CSMD1: variants seen among roughly 807,000 people sequenced by gnomAD.
CSMD1 encodes CUB and Sushi multiple domains 1, also known as CUB and sushi domain-containing protein 1.
CSMD1 carries 213 observed loss-of-function variants against 417.5 expected under a neutral mutation model. The ratio of observed to expected loss-of-function variants is 0.51; its 90% confidence interval spans 0.46 to 0.57. The LOEUF (loss-of-function observed/expected upper bound fraction) is 0.57, where lower values mean the gene tolerates loss of function less well. Ranked by LOEUF, CSMD1 falls within the 20% of genes least tolerant of loss-of-function variation. The pLI is 0.00. For synonymous variants in CSMD1, 2,862 were observed against 1,736.8 expected, an observed-to-expected ratio of 1.65 and a Z score of -16.11; for missense variants, 6,923 against 4,529.7, an observed-to-expected ratio of 1.53 and a Z score of -15.17.
At chr8:4,050,212 C>T (rs901385442) in intron 3 of CSMD1, among the ~76,000 whole-genome samples, 4 of 151,966 alleles carry the variant, frequency 2.6e-5, no homozygotes, top group African/African-American at 7.2e-5. Flanking sequence ...TGGCTAGGGT[C>T]GTGTTTGTCA....
chr8:2,973,226 T>C lies in CSMD1; in HGVS notation c.8814A>G (p.Thr2938=). 2 of 1,613,924 alleles carry C rather than the reference T, an allele frequency of 1.2e-6. No homozygotes were observed. Among genetic ancestry groups the C allele is most frequent in the East Asian group, 2.2e-5 (1 of 44,870 alleles). ...CACAGGAGAAGCGGAGAAGACTCTT[T>C]GTCTTAAAGTCATCACCAAGCCGAG... ...HGSRLGDDFK[T]KSLLRFSCEM... The change falls in exon 57 of 70, where the codon ACA becomes ACG. Residue 2938 remains threonine (T), a synonymous_variant. Transcript: ENST00000635120.
In CSMD1 at chr8:4,684,499, A is replaced by T. The variant is rs372351099; in HGVS notation, c.86-46941T>A. ...GCTGGATCACCCCGGCTGGAGAGAGATTTACTTTCAAATAAATCTCTGTTT... is the reference window on the plus strand; with the variant it reads ...GCTGGATCACCCCGGCTGGAGAGAGTTTTACTTTCAAATAAATCTCTGTTT... On this transcript the variant is annotated intron_variant, in intron 1 of 69. Transcript: ENST00000635120. Among the ~76,000 whole-genome samples the T allele has an allele frequency of 4.6e-5, 7 of 152,194 alleles. No homozygotes were observed. The East Asian group carries it at 1.4e-3, about 29-fold the overall frequency.
At chr8:4,046,936 T>G (rs1209866302) in intron 3 of CSMD1, among the ~76,000 whole-genome samples, 1 of 152,136 alleles carries the variant, frequency 6.6e-6, no homozygotes, top group Non-Finnish European at 1.5e-5. Context: ...AGAGGGAACT[T>G]GAGTCCTAAC....
At chr8:2,974,249 G>C (rs951000341) in intron 56 of CSMD1, among the ~76,000 whole-genome samples, 41 of 152,356 alleles carry the variant, frequency 2.7e-4, no homozygotes, top group African/African-American at 9.6e-4. Flanking sequence ...AACATTTAAA[G>C]TAATGGTGTC....
rs1466334865 is a variant in CSMD1, at chr8:3,772,584, T to TAC, written c.819-18543_819-18542insGT. Among the ~76,000 whole-genome samples the TAC allele has an allele frequency of 3.1e-5, 4 of 130,634 alleles. 2 individuals carry two copies. The allele number at this position is 130,634 out of a possible 152,430, so 85.7% of individuals were successfully genotyped here. On this transcript the variant is annotated intron_variant, in intron 5 of 69. Coordinates refer to ENST00000635120, the MANE Select transcript of CSMD1 (RefSeq NM_033225.6). The stretch of plus-strand genomic sequence containing the variant: ...ACATATATATACATATATACACATA[T>TAC]ATTTATATACATATATACACATATA...
chr8:4,361,156 G>C lies in CSMD1; in HGVS notation c.415+58797C>G, dbSNP rs145290694. Among the ~76,000 whole-genome samples, 109 of 152,246 alleles carry C rather than the reference G, an allele frequency of 7.2e-4. 2 individuals carry two copies. The highest frequency in any genetic ancestry group is 2.5e-3 in the African/African-American group (105 of 41,558). ...CTGAGCTGAAGCTTTATCATTTGTA[G>C]AATGGGCTAAATTAGACTTATTAAG... On this transcript the variant is annotated intron_variant, in intron 3 of 69. Coordinates refer to ENST00000635120, the MANE Select transcript of CSMD1 (RefSeq NM_033225.6).
At chr8:4,127,341 C>T (rs1413348936) in intron 3 of CSMD1, among the ~76,000 whole-genome samples, 1 of 150,828 alleles carries the variant, frequency 6.6e-6, no homozygotes, top group South Asian at 2.1e-4. Context: ...CAGTACAAGC[C>T]TCTCCCTTCC....
At chr8:4,104,910 T>C (rs1289468936) in intron 3 of CSMD1, among the ~76,000 whole-genome samples, 1 of 151,964 alleles carries the variant, frequency 6.6e-6, no homozygotes, top group Non-Finnish European at 1.5e-5. Flanking sequence ...AATCCCACTG[T>C]GAGTGAGAAT....
At chr8:4,067,278 T>G (rs1039667690) in intron 3 of CSMD1, among the ~76,000 whole-genome samples, 3 of 152,226 alleles carry the variant, frequency 2.0e-5, no homozygotes, top group African/African-American at 7.2e-5. Context: ...ATAGCCGAGA[T>G]AGAATTTTTT....
intron 1 of CSMD1, among the ~76,000 whole-genome samples, chr8:4,776,503 C>A (rs868114038): frequency 2.6e-5 from 4 of 152,120 alleles, no homozygotes; most frequent in African/African-American, 9.7e-5. Context: ...GAACCAACAG[C>A]GTCTCAGGGC....
chr8:4,136,037 A>C (rs1803411375), intron 3 of CSMD1, among the ~76,000 whole-genome samples: 3 of 152,320 alleles, frequency 2.0e-5, no homozygotes, highest in African/African-American at 7.2e-5. Context: ...TAAAAACCAA[A>C]GAAGAATTTT....
At chr8:3,294,052 C>G (rs1009469571) in intron 25 of CSMD1, among the ~76,000 whole-genome samples, 2 of 152,194 alleles carry the variant, frequency 1.3e-5, no homozygotes, top group African/African-American at 2.4e-5. Flanking sequence ...ACAGTCAGGA[C>G]CCTCAGCTGC....
At chr8:4,870,006 C>T (rs1467479140) in intron 1 of CSMD1, among the ~76,000 whole-genome samples, 1 of 152,024 alleles carries the variant, frequency 6.6e-6, no homozygotes, top group East Asian at 1.9e-4. Flanking sequence ...TAACACATGT[C>T]CGTTTTTATG....
intron 4 of CSMD1, among the ~76,000 whole-genome samples, chr8:4,015,430 G>A (rs7824656): frequency 9.2e-5 from 14 of 151,912 alleles, no homozygotes; most frequent in Admixed American, 7.9e-4. Flanking sequence ...ATATAGAATT[G>A]GCAAGTGACA....
chr8:3,354,805 C>G lies in CSMD1; in HGVS notation c.3304+4347G>C, dbSNP rs1194900111. ...ATATATATATATCACTAAACTCTCT[C>G]TCTCTCTATATATATCTATAGATAC... On this transcript the variant is annotated intron_variant, in intron 21 of 69. Coordinates refer to ENST00000635120, the MANE Select transcript of CSMD1 (RefSeq NM_033225.6). Among the ~76,000 whole-genome samples the G allele has an allele frequency of 7.0e-5, 6 of 86,114 alleles. No individual in the cohort carries two copies. In the East Asian group the frequency reaches 2.1e-3, roughly 30 times the overall value. 56.5% of individuals were successfully genotyped at this position (86,114 alleles called of 152,430 possible).
chr8:3,207,521 A>C (rs1585657149), intron 30 of CSMD1, among the ~76,000 whole-genome samples: 2 of 152,178 alleles, frequency 1.3e-5, no homozygotes, highest in East Asian at 3.9e-4. Context: ...AATTAGCATT[A>C]TGTTAAATAT....
intron 3 of CSMD1, among the ~76,000 whole-genome samples, chr8:4,168,384 G>C (rs991384593): frequency 2.6e-5 from 4 of 151,722 alleles, no homozygotes; most frequent in Admixed American, 2.0e-4. Context: ...GACAGAGTGA[G>C]ACCCTTACTC....
intron 4 of CSMD1, among the ~76,000 whole-genome samples, chr8:4,004,740 T>C (rs1815970731): frequency 6.6e-6 from 1 of 151,946 alleles, no homozygotes; most frequent in African/African-American, 2.4e-5. Flanking sequence ...TTCTTTATTC[T>C]TTTTTTGTTT....
intron 11 of CSMD1, among the ~76,000 whole-genome samples, chr8:3,491,600 C>G (rs977155112): frequency 2.0e-5 from 3 of 152,228 alleles, no homozygotes; most frequent in Non-Finnish European, 1.5e-5. Flanking sequence ...GTCCAAGATT[C>G]GACGAATGAA....
Sources: gnomAD v4.1 joint callset for allele counts (sites outside exome capture counted in the v4.1 genomes callset) on GRCh38, gnomAD v4.1.1 for gene constraint, MANE v1.5 for transcripts, NCBI Gene and HGNC (gene_info 2026-07-23, HGNC 2026-07-21) for gene names.